BCR: variants seen among roughly 807,000 people sequenced by gnomAD.
BCR encodes breakpoint cluster region protein.
Under a neutral mutation model 138.6 loss-of-function variants are expected in BCR, and 58 were observed. The ratio of observed to expected loss-of-function variants is 0.42; its 90% CI spans 0.34 to 0.52. BCR has a LOEUF of 0.52. Among genes scored for constraint, BCR ranks in the 20% least tolerant of loss-of-function variants. The pLI is 0.06. For synonymous variants in BCR, 786 were observed against 730.1 expected (o/e 1.08, Z -1.23); for missense variants, 1,599 against 1,727.2 (o/e 0.93, Z 1.32).
chr22:23,301,354 A>G lies in BCR; in HGVS notation c.3012+6199A>G, dbSNP rs191826606. 6.2e-3 allele frequency among the ~76,000 whole-genome samples: 948 copies of G among 152,294 alleles called. 10 individuals carry two copies. Among genetic ancestry groups the G allele is most frequent in the African/African-American group, 0.02 (847 of 41,558 alleles). On this transcript the variant is annotated intron_variant, in intron 16 of 22. Coordinates refer to ENST00000305877, the MANE Select transcript of BCR (RefSeq NM_004327.4). ...AATTCCTAATGGCAGCAAGGCTCCA[A>G]TTTCCCCAGCTCTGCCAACTGTGGT...
At chr22:23,240,302 C>CGTGTGTGTGTGTGTGTGTGT (rs200491524) in intron 1 of BCR, among the ~76,000 whole-genome samples, 11 of 144,020 alleles carry the variant, frequency 7.6e-5, no homozygotes, top group African/African-American at 2.9e-4. Context: ...CCTGGCTGAT[C>CGTGTGTGTGTGTGTGTGTGT]GTGTGTGTGT....
intron 2 of BCR, among the ~76,000 whole-genome samples, chr22:23,257,148 T>C (rs2073303571): frequency 1.3e-5 from 2 of 152,142 alleles, no homozygotes; most frequent in South Asian, 4.1e-4. Context: ...ACTTGGCTGA[T>C]TTCTGAGCCA....
chr22:23,315,820 G>A lies in BCR; in HGVS notation c.*298G>A, dbSNP rs180817. On this transcript the variant is annotated 3_prime_UTR_variant, in exon 23 of 23. Transcript: ENST00000305877. ...CCTGGGAGACAGGGTGAAGGGAGTG[G>A]TTTTTATGAACTTAACTTAGAGTCT... The A allele has an allele frequency of 0.39, 187,828 of 478,156 alleles. 38,004 individuals carry two copies. The highest frequency in any genetic ancestry group is 0.6 in the East Asian group (15,835 of 26,360). The allele number at this position is 478,156 out of a possible 1,614,324, so 29.6% of individuals were successfully genotyped here.
chr22:23,235,113 G>A (rs1041304826), intron 1 of BCR, among the ~76,000 whole-genome samples: 1 of 143,544 alleles, frequency 7.0e-6, no homozygotes, highest in African/African-American at 2.5e-5. Flanking sequence ...GTTTTGTTTT[G>A]TTTTTTTGAG....
chr22:23,224,521 CT>C (rs2146236029), intron 1 of BCR, among the ~76,000 whole-genome samples: 1 of 152,338 alleles, frequency 6.6e-6, no homozygotes, highest in East Asian at 1.9e-4. Context: ...CTTACCCACT[CT>C]CGTTTTAATA....
At chr22:23,255,074 G>A (rs1165966563) in intron 2 of BCR, among the ~76,000 whole-genome samples, 2 of 152,134 alleles carry the variant, frequency 1.3e-5, no homozygotes, top group East Asian at 3.8e-4. Context: ...AGAGAGAGAT[G>A]GACTTTTCCC....
intron 1 of BCR, among the ~76,000 whole-genome samples, chr22:23,214,023 G>A (rs5996493): frequency 1.9e-3 from 288 of 152,284 alleles, no homozygotes; most frequent in East Asian, 6.6e-3. Flanking sequence ...GTTGACTCAG[G>A]AACTTGCTGT....
At position 23,253,958 on chromosome 22, in the gene BCR, G is replaced by A; in HGVS notation, c.1439G>A (p.Gly480Glu). Residue 480 changes from glycine (G) to glutamate (E), a missense_variant, in exon 2 of 23, where the codon GGA becomes GAA. Physicochemically the swap from Gly to Glu is moderately conservative, Grantham distance 98 (BLOSUM62 -2). Transcript: ENST00000305877. ...GRGSRDALVSGALESTKASEL... is the reference protein window; with the variant it reads ...GRGSRDALVSEALESTKASEL... ...GGCAGCCGGGATGCGCTGGTCTCGG[G>A]AGCCCTGGAGTCCACTAAAGCGGTG... The A allele has an allele frequency of 6.2e-7, 1 of 1,612,732 alleles. No individual in the cohort carries two copies. The highest frequency in any genetic ancestry group is 1.7e-4 in the Middle Eastern group (1 of 6,012).
At chr22:23,281,096 C>G (rs1177999231) in intron 8 of BCR, among the ~76,000 whole-genome samples, 2 of 152,218 alleles carry the variant, frequency 1.3e-5, no homozygotes, top group East Asian at 3.9e-4. Context: ...ATGAACACAC[C>G]TGGAAACATG....
intron 1 of BCR, among the ~76,000 whole-genome samples, chr22:23,247,645 C>T (rs1410588405): frequency 6.6e-6 from 1 of 152,158 alleles, no homozygotes; most frequent in East Asian, 1.9e-4. Context: ...TGGGGTCTCT[C>T]TAGGCATATC....
intron 13 of BCR, chr22:23,289,966 A>G: frequency 4.0e-6 from 2 of 503,536 alleles, no homozygotes; most frequent in East Asian, 3.5e-5. Context: ...GCCAGCCGGC[A>G]CTTTTGGTCA....
At chr22:23,182,754 G>A (rs1020988128) in intron 1 of BCR, among the ~76,000 whole-genome samples, 17 of 152,206 alleles carry the variant, frequency 1.1e-4, no homozygotes, top group African/African-American at 3.9e-4. Flanking sequence ...GCTGCTCCTA[G>A]GCCATAGAAG....
At chr22:23,196,185 T>C (rs2072479294) in intron 1 of BCR, among the ~76,000 whole-genome samples, 1 of 152,192 alleles carries the variant, frequency 6.6e-6, no homozygotes, top group Admixed American at 6.5e-5. Flanking sequence ...GTGGCAGAGT[T>C]GATGGGAAAA....
intron 1 of BCR, among the ~76,000 whole-genome samples, chr22:23,216,023 T>C (rs2072747743): frequency 6.6e-6 from 1 of 152,160 alleles, no homozygotes. Context: ...AACTGAGAAA[T>C]GTCTTATATG....
intron 2 of BCR, among the ~76,000 whole-genome samples, chr22:23,260,553 C>G (rs971182507): frequency 6.6e-6 from 1 of 152,200 alleles, no homozygotes; most frequent in Non-Finnish European, 1.5e-5. Context: ...CAGCAGAAGC[C>G]AGGTGGCCAT....
At chr22:23,207,825 C>A (rs2072635306) in intron 1 of BCR, among the ~76,000 whole-genome samples, 1 of 152,086 alleles carries the variant, frequency 6.6e-6, no homozygotes, top group Non-Finnish European at 1.5e-5. Flanking sequence ...GGTGTTGACC[C>A]CCAGAGGCCA....
chr22:23,303,655 G>T (rs142574034), intron 16 of BCR, among the ~76,000 whole-genome samples: 2 of 152,352 alleles, frequency 1.3e-5, no homozygotes, highest in Non-Finnish European at 2.9e-5. Flanking sequence ...AAGATATGAA[G>T]ATGTAAACAT....
chr22:23,294,958 G>A (rs2073828817), intron 15 of BCR, 66 bp from the exon 16 acceptor site: 3 of 1,575,536 alleles, frequency 1.9e-6, no homozygotes, highest in South Asian at 1.2e-5. Flanking sequence ...CGGTTCAGAG[G>A]ACCCTTCAGC....
chr22:23,182,030 CCA>C lies in BCR; in HGVS notation c.1072_1073del (p.Thr358HisfsTer32), dbSNP rs1416043692. 6.2e-7 allele frequency: 1 copy of C among 1,613,316 alleles called. No individual in the cohort carries two copies. The highest frequency in any genetic ancestry group is 8.5e-7 in the Non-Finnish European group (1 of 1,179,696). Reference sequence around the variant, plus strand: ...CAGTCCAGCCGCGTGTCCCCAAGCCCCACCACCTACCGCATGTTCCGGGACAA... The same window carrying C: ...CAGTCCAGCCGCGTGTCCCCAAGCCCCCACCTACCGCATGTTCCGGGACAA... On this transcript the variant is annotated frameshift_variant, in exon 1 of 23. Coordinates refer to ENST00000305877, the MANE Select transcript of BCR (RefSeq NM_004327.4). LOFTEE classifies it high-confidence loss of function.
Sources: allele counts gnomAD v4.1 joint callset (sites outside exome capture counted in the v4.1 genomes callset), GRCh38; gene constraint gnomAD v4.1.1; transcripts MANE v1.5; gene names NCBI Gene and HGNC (gene_info 2026-07-23, HGNC 2026-07-21).